Variants in GPATCH2 observed in about 807,000 individuals in gnomAD.
GPATCH2 encodes the protein G-patch domain containing 2.
A neutral mutation model predicts 58.0 loss-of-function variants in GPATCH2; 51 were observed. That is an observed-to-expected ratio of 0.88 (90% confidence interval 0.70 to 1.11). The LOEUF (loss-of-function observed/expected upper bound fraction) is 1.11. GPATCH2 is among the 50% of genes most tolerant of loss of function. GPATCH2 has a pLI of 0.00. For synonymous variants in GPATCH2, 222 were observed against 218.5 expected (o/e 1.02, Z -0.14); for missense variants, 625 against 652.2 (o/e 0.96, Z 0.45).
chr1:217,436,410 T>C (rs997151657), intron 9 of GPATCH2, among the ~76,000 whole-genome samples: 5 of 152,204 alleles, frequency 3.3e-5, no homozygotes, highest in African/African-American at 1.2e-4. Flanking sequence ...AACTTAACCT[T>C]GACCACACAG....
intron 5 of GPATCH2, among the ~76,000 whole-genome samples, chr1:217,548,129 G>C (rs1017414204): frequency 2.0e-5 from 3 of 152,064 alleles, no homozygotes; most frequent in African/African-American, 7.2e-5. Flanking sequence ...TTATACCAGT[G>C]TGAAAACGGA....
At chr1:217,478,739 CCT>C (rs1661077844) in intron 8 of GPATCH2, among the ~76,000 whole-genome samples, 1 of 151,588 alleles carries the variant, frequency 6.6e-6, no homozygotes, top group African/African-American at 2.4e-5. Context: ...ATTTCTTAAA[CCT>C]AGAGAAAGAT....
At chr1:217,504,116 G>C (rs995794975) in intron 6 of GPATCH2, among the ~76,000 whole-genome samples, 1 of 152,096 alleles carries the variant, frequency 6.6e-6, no homozygotes, top group African/African-American at 2.4e-5. Flanking sequence ...TAATTCAAGC[G>C]CCAAAGTCCT....
At chr1:217,433,385 T>TA (rs1491204578) in intron 9 of GPATCH2, among the ~76,000 whole-genome samples, 2,959 of 25,844 alleles carry the variant, frequency 0.11, 51 homozygotes, top group African/African-American at 0.21. Flanking sequence ...TATATATATA[T>TA]TTATTTATTT....
chr1:217,496,686 C>G (rs528921441), intron 7 of GPATCH2, among the ~76,000 whole-genome samples: 109 of 152,118 alleles, frequency 7.2e-4, no homozygotes, highest in Non-Finnish European at 1.4e-3. Flanking sequence ...AATAAGGTAT[C>G]TTTAAACAGA....
intron 5 of GPATCH2, among the ~76,000 whole-genome samples, chr1:217,569,196 T>C (rs1482054462): frequency 6.6e-6 from 1 of 151,646 alleles, no homozygotes; most frequent in African/African-American, 2.4e-5. Context: ...AGTAGACAGA[T>C]ATTTGGGGAC....
chr1:217,474,670 T>C lies in GPATCH2; in HGVS notation c.1277+17010A>G, dbSNP rs558196086. Among the ~76,000 whole-genome samples the C allele has an allele frequency of 5.9e-5, 9 of 152,320 alleles. No homozygotes were observed. In the South Asian group the frequency reaches 1.7e-3, roughly 28 times the overall value. On this transcript the variant is annotated intron_variant, in intron 8 of 9. Coordinates refer to ENST00000366935, the MANE Select transcript of GPATCH2 (RefSeq NM_018040.5). ...TGCCTACGTTAAGGGCATGCTTTAGTCACGCACTTCAAAGTCTTGGCTTTG... is the reference window on the plus strand; with the variant it reads ...TGCCTACGTTAAGGGCATGCTTTAGCCACGCACTTCAAAGTCTTGGCTTTG...
At chr1:217,511,888 A>G (rs1286007655) in intron 6 of GPATCH2, among the ~76,000 whole-genome samples, 1 of 152,118 alleles carries the variant, frequency 6.6e-6, no homozygotes, top group Non-Finnish European at 1.5e-5. Flanking sequence ...TGTGTAAAAG[A>G]AAATTCCCAT....
At chr1:217,523,551 GAA>G (rs1418295619) in intron 5 of GPATCH2, among the ~76,000 whole-genome samples, 4 of 151,328 alleles carry the variant, frequency 2.6e-5, no homozygotes, top group Non-Finnish European at 5.9e-5. Context: ...AGAACAAAAT[GAA>G]AAGTCTCCCA....
chr1:217,523,776 G>A (rs1344100483), intron 5 of GPATCH2, among the ~76,000 whole-genome samples: 2 of 146,324 alleles, frequency 1.4e-5, no homozygotes, highest in Admixed American at 6.8e-5. Context: ...CTCACCTCCC[G>A]GACGGGGCGG....
intron 5 of GPATCH2, among the ~76,000 whole-genome samples, chr1:217,519,953 C>G (rs542758302): frequency 2.0e-5 from 3 of 152,090 alleles, no homozygotes; most frequent in African/African-American, 2.4e-5. Flanking sequence ...TTATAGAACT[C>G]CTCTAATTCC....
chr1:217,578,139 G>C (rs1335738035), intron 5 of GPATCH2, among the ~76,000 whole-genome samples: 1 of 149,696 alleles, frequency 6.7e-6, no homozygotes, highest in Non-Finnish European at 1.5e-5. Context: ...TAATGGCTGG[G>C]GGGGGATTAC....
chr1:217,582,021 C>T (rs1274374783), intron 5 of GPATCH2, among the ~76,000 whole-genome samples: 1 of 152,098 alleles, frequency 6.6e-6, no homozygotes, highest in East Asian at 1.9e-4. Context: ...CTAAAAAATA[C>T]CCGTGGTCAC....
chr1:217,625,866 C>T (rs2102855369), intron 1 of GPATCH2, among the ~76,000 whole-genome samples: 1 of 152,208 alleles, frequency 6.6e-6, no homozygotes, highest in South Asian at 2.1e-4. Flanking sequence ...CACCTGTAAT[C>T]CCAGCTACCC....
intron 5 of GPATCH2, among the ~76,000 whole-genome samples, chr1:217,587,684 T>C (rs921959721): frequency 1.3e-5 from 2 of 152,106 alleles, no homozygotes; most frequent in African/African-American, 4.8e-5. Context: ...AAAACAGAGG[T>C]AGTACAGATG....
At chr1:217,594,934 C>G (rs968798030) in intron 5 of GPATCH2, among the ~76,000 whole-genome samples, 1 of 152,146 alleles carries the variant, frequency 6.6e-6, no homozygotes, top group Non-Finnish European at 1.5e-5. Flanking sequence ...GTCAGCTAGA[C>G]AGCTGGCACC....
intron 8 of GPATCH2, among the ~76,000 whole-genome samples, chr1:217,473,182 T>C (rs984356160): frequency 6.6e-5 from 10 of 152,222 alleles, no homozygotes; most frequent in Admixed American, 5.9e-4. Context: ...GTGAGATAAG[T>C]TGGTAACTGG....
chr1:217,626,590 C>G (rs1669471654), intron 1 of GPATCH2, among the ~76,000 whole-genome samples: 1 of 152,128 alleles, frequency 6.6e-6, no homozygotes, highest in Non-Finnish European at 1.5e-5. Context: ...CATACGATCC[C>G]TAAGAATTAT....
intron 8 of GPATCH2, among the ~76,000 whole-genome samples, chr1:217,462,756 G>C (rs1660253681): frequency 6.6e-6 from 1 of 152,134 alleles, no homozygotes; most frequent in South Asian, 2.1e-4. Context: ...TAAATTATCT[G>C]TTTTTTCATT....
Sources: gnomAD v4.1 joint callset for allele counts (sites outside exome capture counted in the v4.1 genomes callset) on GRCh38, gnomAD v4.1.1 for gene constraint, MANE v1.5 for transcripts, NCBI Gene and HGNC (gene_info 2026-07-23, HGNC 2026-07-21) for gene names.